Variants in C9 observed in about 807,000 individuals in gnomAD.
C9 encodes complement C9.
A neutral mutation model predicts 65.4 loss-of-function variants in C9; 63 were observed. That is an observed-to-expected ratio of 0.96 (90% confidence interval 0.79 to 1.19). C9 has a LOEUF of 1.19. Ranked by LOEUF, C9 falls within the 50% of genes most tolerant of loss-of-function variation. The pLI is 0.00. For missense variants in C9, 744 were observed against 670.1 expected (o/e 1.11, Z -1.22); for synonymous variants, 229 against 227.9 (o/e 1.00, Z -0.04).
intron 1 of C9, among the ~76,000 whole-genome samples, chr5:39,360,734 G>A (rs955480516): frequency 3.9e-5 from 6 of 152,034 alleles, no homozygotes; most frequent in Admixed American, 6.6e-5. Flanking sequence ...AATTAAAACC[G>A]TGCCAAAATA....
At chr5:39,329,548 A>AG in intron 5 of C9, among the ~76,000 whole-genome samples, 1 of 152,314 alleles carries the variant, frequency 6.6e-6, no homozygotes, top group Middle Eastern at 3.4e-3. Context: ...TAGAGACAAA[A>AG]GACCCTAAAT....
At chr5:39,331,599 ATT>A (rs1449547609) in intron 5 of C9, 75 bp downstream of exon 5, 2 of 1,199,240 alleles carry the variant, frequency 1.7e-6, no homozygotes, top group African/African-American at 1.5e-5. Flanking sequence ...AGTTTTTCAC[ATT>A]GTTTGGTACT....
rs988343535 is a variant in C9 at position 39,304,631 on chromosome 5, A to G, written c.1416+1986T>C. On this transcript the variant is annotated intron_variant, in intron 9 of 10. Transcript: ENST00000263408. ...GCTTTTCCTCAACTCTTTCTACAAG[A>G]AGATAAATTTAAAAAGTGGTCCATA... Among the ~76,000 whole-genome samples the G allele has an allele frequency of 2.0e-5, 3 of 152,178 alleles. No homozygotes were observed. The East Asian group carries it at 5.8e-4, about 29-fold the overall frequency.
At position 39,288,796 on chromosome 5, in the gene C9, T is replaced by C. The variant is rs556007155; in HGVS notation, c.1572A>G (p.Gly524=). ...TGAATGGGCAGGCACACAAACACTTTCCATCCATTAGAATCACTGTACCTC... is the reference window on the plus strand; with the variant it reads ...TGAATGGGCAGGCACACAAACACTTCCCATCCATTAGAATCACTGTACCTC... ...QNGGTVILMD[G]KCLCACPFKF... Residue 524 remains glycine (G), a synonymous_variant, in exon 10 of 11, where the codon GGA becomes GGG. Coordinates refer to ENST00000263408, the MANE Select transcript of C9 (RefSeq NM_001737.5). 3.1e-6 allele frequency: 5 copies of C among 1,612,570 alleles called. No individual in the cohort carries two copies. The highest frequency in any genetic ancestry group is 1.7e-4 in the Middle Eastern group (1 of 6,052).
intron 1 of C9, among the ~76,000 whole-genome samples, chr5:39,362,113 A>G (rs1164563822): frequency 3.3e-5 from 5 of 152,196 alleles, no homozygotes; most frequent in Non-Finnish European, 7.3e-5. Flanking sequence ...TATCATTACC[A>G]TTGTGATGAG....
chr5:39,322,303 G>A lies in C9; in HGVS notation c.616-6274C>T, dbSNP rs1261347887. 2.0e-5 allele frequency among the ~76,000 whole-genome samples: 3 copies of A among 151,804 alleles called. No individual in the cohort carries two copies. The East Asian group carries it at 5.8e-4, about 29-fold the overall frequency. ...AAAATATCTTAAAATAAATAAAAATGAAAACATTCCAGAACTTATGGAATG... is the reference window on the plus strand; with the variant it reads ...AAAATATCTTAAAATAAATAAAAATAAAAACATTCCAGAACTTATGGAATG... On this transcript the variant is annotated intron_variant, in intron 5 of 10. Transcript: ENST00000263408.
intron 6 of C9, among the ~76,000 whole-genome samples, chr5:39,313,898 C>T (rs1453400064): frequency 1.3e-5 from 2 of 152,102 alleles, no homozygotes; most frequent in African/African-American, 4.8e-5. Flanking sequence ...AATTACTGGT[C>T]TCCCTCTCCA....
At chr5:39,319,853 C>T (rs1753636120) in intron 5 of C9, among the ~76,000 whole-genome samples, 1 of 152,096 alleles carries the variant, frequency 6.6e-6, no homozygotes, top group Non-Finnish European at 1.5e-5. Flanking sequence ...AGGTTGACCT[C>T]TATGGATACA....
At chr5:39,298,613 T>C (rs1189741859) in intron 9 of C9, among the ~76,000 whole-genome samples, 1 of 151,698 alleles carries the variant, frequency 6.6e-6, no homozygotes, top group Non-Finnish European at 1.5e-5. Context: ...AATTTAGAGT[T>C]AAATTTTTTT....
chr5:39,334,076 G>A (rs1250852873), intron 4 of C9, among the ~76,000 whole-genome samples: 78 of 134,584 alleles, frequency 5.8e-4, no homozygotes, highest in Middle Eastern at 9.4e-3. Flanking sequence ...GCCGCCCATC[G>A]TCTGAGATGT....
At position 39,308,249 on chromosome 5, in the gene C9, C is replaced by T; in HGVS notation, c.1221G>A (p.Lys407=). ...ACTTACCAGCTCTACCCTCTCCCCT[C>T]TTTACACAATCATCTTTATTAAATT... is the stretch of plus-strand genomic sequence containing the variant. ...GAEFNKDDCV[K]RGEGRAVNIT... Residue 407 remains lysine, a synonymous_variant, in exon 8 of 11, where the codon AAG becomes AAA. Coordinates refer to ENST00000263408, the MANE Select transcript of C9 (RefSeq NM_001737.5). 6.2e-7 allele frequency: 1 copy of T among 1,612,430 alleles called. No individual in the cohort carries two copies. Among genetic ancestry groups the T allele is most frequent in the Non-Finnish European group, 8.5e-7 (1 of 1,178,504 alleles).
At chr5:39,322,031 C>G (rs1277422109) in intron 5 of C9, among the ~76,000 whole-genome samples, 1 of 152,012 alleles carries the variant, frequency 6.6e-6, no homozygotes, top group African/African-American at 2.4e-5. Context: ...AACATTCCAT[C>G]CAAAGTAACA....
rs1236616312 is a variant in C9 at position 39,311,263 on chromosome 5, T to C, written c.985A>G (p.Thr329Ala). ...GCAAAATATTCTCCCTTTTCATAGG[T>C]AGTTGGCAAAGCTTTTATATCATCC... is the stretch of plus-strand genomic sequence containing the variant. Reference protein sequence around the residue: ...FVDDIKALPTTYEKGEYFAFL... With the variant: ...FVDDIKALPTAYEKGEYFAFL... Residue 329 changes from threonine to alanine, a missense_variant, in exon 7 of 11, where the codon ACC becomes GCC. By Grantham distance (58) the Thr-to-Ala change is moderately conservative (BLOSUM62 0). Transcript: ENST00000263408. 6.2e-7 allele frequency: 1 copy of C among 1,613,836 alleles called. No individual in the cohort carries two copies. Among genetic ancestry groups the C allele is most frequent in the East Asian group, 2.2e-5 (1 of 44,860 alleles).
intron 9 of C9, among the ~76,000 whole-genome samples, chr5:39,302,515 T>A (rs1753303435): frequency 6.6e-6 from 1 of 152,142 alleles, no homozygotes; most frequent in Non-Finnish European, 1.5e-5. Flanking sequence ...TCACTGGTAC[T>A]ACAACCCTTT....
chr5:39,341,008 A>G (rs1754066485), intron 4 of C9, 138 bp downstream of exon 4: 2 of 959,598 alleles, frequency 2.1e-6, no homozygotes, highest in East Asian at 2.5e-5. Flanking sequence ...GCTTAAAGGT[A>G]GTTCAAAAAT....
At chr5:39,317,525 T>G (rs1211912308) in intron 5 of C9, among the ~76,000 whole-genome samples, 2 of 152,230 alleles carry the variant, frequency 1.3e-5, no homozygotes, top group Admixed American at 6.5e-5. Context: ...TTGTATAACA[T>G]GTAACGAAGG....
chr5:39,298,497 G>A (rs570807701), intron 9 of C9, among the ~76,000 whole-genome samples: 2 of 151,596 alleles, frequency 1.3e-5, no homozygotes, highest in Non-Finnish European at 3.0e-5. Context: ...AGAATCTACA[G>A]ACATCAGCTG....
intron 1 of C9, among the ~76,000 whole-genome samples, chr5:39,350,234 G>C (rs1189816747): frequency 1.3e-5 from 2 of 152,136 alleles, no homozygotes; most frequent in African/African-American, 2.4e-5. Context: ...TCCATCATGA[G>C]AACAGCAAAA....
rs145085211 is a variant in C9, at chr5:39,345,437, T to C, written c.78-3241A>G. ...AAAAGAGACAAAGAAGGCCATTACATAACGGTAAAGGGAGCAATTCAACAA... is the reference window on the plus strand; with the variant it reads ...AAAAGAGACAAAGAAGGCCATTACACAACGGTAAAGGGAGCAATTCAACAA... On this transcript the variant is annotated intron_variant, in intron 1 of 10. Transcript: ENST00000263408. 1.8e-3 allele frequency among the ~76,000 whole-genome samples: 273 copies of C among 152,300 alleles called. 2 individuals carry two copies. Among genetic ancestry groups the C allele is most frequent in the African/African-American group, 6.1e-3 (253 of 41,576 alleles).
Sources: allele counts gnomAD v4.1 joint callset (sites outside exome capture counted in the v4.1 genomes callset), GRCh38; gene constraint gnomAD v4.1.1; transcripts MANE v1.5; gene names NCBI Gene and HGNC (gene_info 2026-07-23, HGNC 2026-07-21).